The following TNRC6B variants were observed in gnomAD, a reference collection of about 807,000 sequenced individuals.
TNRC6B encodes trinucleotide repeat-containing gene 6B protein.
TNRC6B carries 52 observed loss-of-function variants against 203.6 expected under a neutral mutation model. The ratio of observed to expected loss-of-function variants is 0.26; its 90% confidence interval spans 0.20 to 0.32. TNRC6B has a LOEUF of 0.32. TNRC6B is among the 10% of genes least tolerant of loss of function. The pLI, the probability that TNRC6B is intolerant of heterozygous loss-of-function variation, is 1.00. For missense variants in TNRC6B, 1,923 were observed against 2,286.2 expected (o/e 0.84, Z 3.24); for synonymous variants, 838 against 845.7 (o/e 0.99, Z 0.16).
intron 1 of TNRC6B, among the ~76,000 whole-genome samples, chr22:40,099,117 G>A (rs1380799947): frequency 6.6e-6 from 1 of 152,046 alleles, no homozygotes; most frequent in Admixed American, 6.5e-5. Flanking sequence ...GGGCACCGTG[G>A]TGGACGCCTG....
At chr22:40,237,547 A>C (rs1601909815) in intron 1 of TNRC6B, among the ~76,000 whole-genome samples, 1 of 150,620 alleles carries the variant, frequency 6.6e-6, no homozygotes, top group Non-Finnish European at 1.5e-5. Context: ...GTGACTACCA[A>C]GTAAGCCAGA....
intron 15 of TNRC6B, among the ~76,000 whole-genome samples, chr22:40,302,632 CAAAA>C (rs200078286): frequency 8.5e-5 from 6 of 70,448 alleles, no homozygotes; most frequent in African/African-American, 2.6e-4. Context: ...GACCCCATCT[CAAAA>C]AAAAAAAAAA....
intron 15 of TNRC6B, 144 bp downstream of exon 15, chr22:40,301,477 A>G: frequency 1.1e-6 from 1 of 903,806 alleles, no homozygotes; most frequent in Non-Finnish European, 1.6e-6. Flanking sequence ...CAGATGAGAC[A>G]TCTGAGGCTT....
chr22:40,059,945 C>T (rs1247895952), intron 1 of TNRC6B, among the ~76,000 whole-genome samples: 1 of 151,220 alleles, frequency 6.6e-6, no homozygotes, highest in African/African-American at 2.4e-5. Context: ...GCCTCAGCCT[C>T]CTGAGTAGCT....
At position 40,243,433 on chromosome 22, in the gene TNRC6B, AT is replaced by A. The variant is rs371162074; in HGVS notation, c.6-2581del. 5.7e-4 allele frequency among the ~76,000 whole-genome samples: 87 copies of A among 152,310 alleles called. No individual in the cohort carries two copies. The South Asian group carries it at 0.018, about 31-fold the overall frequency. On this transcript the variant is annotated intron_variant, in intron 1 of 22. Transcript: ENST00000454349. Reference sequence around the variant, plus strand: ...CTTGTCACCTGCAAAGCTTTGAAATATATCTGTTTTAGAAATGAATTTACTT... The same window carrying A: ...CTTGTCACCTGCAAAGCTTTGAAATAATCTGTTTTAGAAATGAATTTACTT...
chr22:40,302,976 G>A (rs777076142), intron 15 of TNRC6B, among the ~76,000 whole-genome samples: 6 of 151,994 alleles, frequency 3.9e-5, no homozygotes, highest in Admixed American at 6.6e-5. Context: ...CAAACATGGC[G>A]GGGCCTCCCT....
Position 40,220,742 on chromosome 22 carries a change from C to A in TNRC6B, c.6-25273C>A, listed in dbSNP as rs575793488. 3.9e-5 allele frequency among the ~76,000 whole-genome samples: 6 copies of A among 152,204 alleles called. No individual in the cohort carries two copies. In the East Asian group the frequency reaches 9.6e-4, roughly 24 times the overall value. The stretch of plus-strand genomic sequence containing the variant: ...TTAACTATAGAAACCCCGAGTTGGC[C>A]AGGAGAATTGGCAGGCGCTTGCTTT... On this transcript the variant is annotated intron_variant, in intron 1 of 22. Transcript: ENST00000454349.
chr22:40,264,851 C>T lies in TNRC6B; in HGVS notation c.621C>T (p.Asp207=). 6.2e-7 allele frequency: 1 copy of T among 1,613,934 alleles called. No individual in the cohort carries two copies. Among genetic ancestry groups the T allele is most frequent in the Non-Finnish European group, 8.5e-7 (1 of 1,179,882 alleles). The change falls in exon 5 of 23, where the codon GAC becomes GAT. Residue 207 remains aspartate, a synonymous_variant. Coordinates refer to ENST00000454349, the MANE Select transcript of TNRC6B (RefSeq NM_001162501.2). ...AGTGGCCTTGTATTGCCAGCAAAGA[C>T]ACTGAATCTTCTTCCGAAAACACCA... ...MEEWPCIASK[D]TESSSENTTD...
chr22:40,215,605 G>C (rs1333370699), intron 1 of TNRC6B, among the ~76,000 whole-genome samples: 1 of 152,154 alleles, frequency 6.6e-6, no homozygotes, highest in Non-Finnish European at 1.5e-5. Flanking sequence ...TGCATCCTCA[G>C]GGGTGTTGAC....
chr22:40,261,743 TA>T, intron 3 of TNRC6B, 88 bp from the exon 4 acceptor site: 2 of 1,168,896 alleles, frequency 1.7e-6, no homozygotes, highest in Non-Finnish European at 2.3e-6. Flanking sequence ...ACCCCATCTC[TA>T]AATAAAATAA....
At chr22:40,134,985 C>T (rs1337415759) in intron 3 of TNRC6B, among the ~76,000 whole-genome samples, 1 of 152,226 alleles carries the variant, frequency 6.6e-6, no homozygotes, top group Non-Finnish European at 1.5e-5. Flanking sequence ...TTACAGTCAT[C>T]TGGAGGCCCA....
chr22:40,106,844 A>G (rs1601818664), intron 1 of TNRC6B: 2 of 1,147,860 alleles, frequency 1.7e-6, no homozygotes, highest in Non-Finnish European at 2.6e-6. Flanking sequence ...TTTTCTTGCC[A>G]CCCTCGCCAT....
intron 21 of TNRC6B, among the ~76,000 whole-genome samples, chr22:40,316,353 C>CA (rs796891058): frequency 0.022 from 2,322 of 106,306 alleles, 45 homozygotes; most frequent in African/African-American, 0.069. Context: ...GACTCCATCT[C>CA]AAAAAAAAAA....
chr22:40,262,334 T>A (rs568011133), intron 4 of TNRC6B, among the ~76,000 whole-genome samples, 161 bp downstream of exon 4: 1 of 152,346 alleles, frequency 6.6e-6, no homozygotes, highest in African/African-American at 2.4e-5. Context: ...TATTGGTGAT[T>A]CTTGGAACTG....
chr22:40,252,298 A>T (rs1281117330), intron 3 of TNRC6B, among the ~76,000 whole-genome samples: 4 of 152,242 alleles, frequency 2.6e-5, no homozygotes, highest in Admixed American at 2.6e-4. Flanking sequence ...TGACCCCAGT[A>T]CATGTCCCTA....
chr22:40,295,522 G>A (rs1359449122), intron 12 of TNRC6B, among the ~76,000 whole-genome samples: 1 of 151,768 alleles, frequency 6.6e-6, no homozygotes, highest in Non-Finnish European at 1.5e-5. Flanking sequence ...ATGTAGTCTT[G>A]AGAATGTAGC....
At chr22:40,098,699 A>T (rs1190959113) in intron 1 of TNRC6B, among the ~76,000 whole-genome samples, 1 of 152,034 alleles carries the variant, frequency 6.6e-6, no homozygotes, top group Non-Finnish European at 1.5e-5. Context: ...CCATGGTTTC[A>T]TCTGCTACTG....
At chr22:40,122,727 A>T (rs1014091028) in intron 2 of TNRC6B, among the ~76,000 whole-genome samples, 1 of 152,186 alleles carries the variant, frequency 6.6e-6, no homozygotes, top group Non-Finnish European at 1.5e-5. Flanking sequence ...ATCACTGGGG[A>T]TCGGACCCTG....
In TNRC6B at chr22:40,266,916, TG is replaced by T; in HGVS notation, c.2690del (p.Gly897GlufsTer11). 1 of 1,614,000 alleles carries T rather than the reference TG, an allele frequency of 6.2e-7. No individual in the cohort carries two copies. Among genetic ancestry groups the T allele is most frequent in the Non-Finnish European group, 8.5e-7 (1 of 1,179,876 alleles). ...KMDIDDGTSAWGDPNSYNYKN... is the reference protein window; with the variant it reads ...KMDIDDGTSAXGDPNSYNYKN... ...GGACATTGATGATGGCACTTCAGCATGGGGAGACCCTAACAGTTATAACTAC... is the reference window on the plus strand; with the variant it reads ...GGACATTGATGATGGCACTTCAGCATGGGAGACCCTAACAGTTATAACTAC... On this transcript the variant is annotated frameshift_variant, in exon 5 of 23. Coordinates refer to ENST00000454349, the MANE Select transcript of TNRC6B (RefSeq NM_001162501.2). LOFTEE classifies it high-confidence loss of function.
Sources: gnomAD v4.1 joint callset for allele counts (sites outside exome capture counted in the v4.1 genomes callset) on GRCh38, gnomAD v4.1.1 for gene constraint, MANE v1.5 for transcripts, NCBI Gene and HGNC (gene_info 2026-07-23, HGNC 2026-07-21) for gene names.